CDRT4: variants seen among roughly 807,000 people sequenced by gnomAD.
CDRT4 encodes the protein CMT1A duplicated region transcript 4 protein.
For missense variants in CDRT4, 167 were observed against 193.1 expected, an observed-to-expected ratio of 0.87 and a Z score of 0.80; for synonymous variants, 64 against 69.6, an observed-to-expected ratio of 0.92 and a Z score of 0.40.
rs545802446 is a variant in CDRT4, at chr17:15,464,283, T to C, written c.-130+3177A>G. Among the ~76,000 whole-genome samples, 1 of 152,138 alleles carries C rather than the reference T, an allele frequency of 6.6e-6. No individual in the cohort carries two copies. Among genetic ancestry groups the C allele is most frequent in the Non-Finnish European group, 1.5e-5 (1 of 67,996 alleles). ...GCAAGCCTTCAGGTTTGAGAGCTGA[T>C]GCATCCATACTCCAAATAGACCTTG... On this transcript the variant is annotated intron_variant, in intron 1 of 3. Coordinates refer to ENST00000619038, the MANE Select transcript of CDRT4 (RefSeq NM_001204477.2). This position sits in a 1 kb window ranked among gnomAD's most constrained non-coding sequence, Gnocchi z 4.5.
intron 1 of CDRT4, among the ~76,000 whole-genome samples, chr17:15,458,864 G>C (rs542138734): frequency 6.6e-6 from 1 of 152,264 alleles, no homozygotes; most frequent in South Asian, 2.1e-4. Context: ...TGTTGGAAAT[G>C]CAATTCATTG....
intron 1 of CDRT4, among the ~76,000 whole-genome samples, chr17:15,454,124 G>A (rs2108757): frequency 0.21 from 31,734 of 152,066 alleles, 6,231 homozygotes; most frequent in East Asian, 0.48. Context: ...CTGAAGTCAT[G>A]GGAGGTCAGA....
intron 2 of CDRT4, among the ~76,000 whole-genome samples, chr17:15,452,096 G>C (rs1049237160): frequency 3.9e-5 from 6 of 152,194 alleles, no homozygotes; most frequent in African/African-American, 1.4e-4. Flanking sequence ...CTTGGCAGTA[G>C]CCACTACTAG....
chr17:15,458,838 GCAA>G (rs1979609046), intron 1 of CDRT4, among the ~76,000 whole-genome samples: 1 of 152,130 alleles, frequency 6.6e-6, no homozygotes, highest in Non-Finnish European at 1.5e-5. Context: ...ACCAGCAGCA[GCAA>G]CACCAGGGAG....
At chr17:15,465,403 ACAC>A (rs773828168) in intron 1 of CDRT4, among the ~76,000 whole-genome samples, 15 of 151,202 alleles carry the variant, frequency 9.9e-5, no homozygotes, top group African/African-American at 2.4e-4. Context: ...CAACACACAC[ACAC>A]AACACACACC....
At chr17:15,443,134 C>T (rs1978847070) in intron 2 of CDRT4, among the ~76,000 whole-genome samples, 2 of 152,052 alleles carry the variant, frequency 1.3e-5, no homozygotes, top group Admixed American at 1.3e-4. Context: ...CTAGGTTTGG[C>T]CTAAATCATT....
In CDRT4 at chr17:15,438,208, C is replaced by T; in HGVS notation, c.32-8G>A. 1 of 1,609,684 alleles carries T rather than the reference C, an allele frequency of 6.2e-7. No homozygotes were observed. The highest frequency in any genetic ancestry group is 8.5e-7 in the Non-Finnish European group (1 of 1,177,330). On this transcript the variant is annotated splice_region_variant and splice_polypyrimidine_tract_variant and intron_variant, in intron 3 of 3. Coordinates refer to ENST00000619038, the MANE Select transcript of CDRT4 (RefSeq NM_001204477.2). Reference sequence around the variant, plus strand: ...CAGTGTTTTCTGTGAGTCCTACCAACAAAGAGAAATGCAGGCCATTTAGAG... The same window carrying T: ...CAGTGTTTTCTGTGAGTCCTACCAATAAAGAGAAATGCAGGCCATTTAGAG...
At chr17:15,451,791 T>A (rs1567611818) in intron 2 of CDRT4, among the ~76,000 whole-genome samples, 1 of 152,214 alleles carries the variant, frequency 6.6e-6, no homozygotes, top group African/African-American at 2.4e-5. Flanking sequence ...CCAGTCACTA[T>A]CACATCTCCT....
chr17:15,467,333 C>G (rs1016362214), intron 1 of CDRT4, 127 bp downstream of exon 1: 1 of 152,158 alleles, frequency 6.6e-6, no homozygotes, highest in Admixed American at 6.5e-5. Context: ...TCTGGGGACC[C>G]TTTAATGGCA....
chr17:15,458,548 G>A (rs1597467726), intron 1 of CDRT4, among the ~76,000 whole-genome samples: 1 of 152,146 alleles, frequency 6.6e-6, no homozygotes, highest in Admixed American at 6.5e-5. Flanking sequence ...GGCAAGTCGG[G>A]TCATTGTGAA....
intron 1 of CDRT4, among the ~76,000 whole-genome samples, chr17:15,463,751 CCTT>C (rs1209897042): frequency 2.0e-5 from 3 of 152,292 alleles, no homozygotes; most frequent in African/African-American, 7.2e-5. Flanking sequence ...AGTATCTCCT[CCTT>C]AACACCGTCT....
chr17:15,438,932 C>CA (rs1978626520), intron 3 of CDRT4, among the ~76,000 whole-genome samples: 2 of 151,872 alleles, frequency 1.3e-5, no homozygotes, highest in African/African-American at 2.4e-5. Context: ...TAACAAGGCT[C>CA]AAAAAAACCA....
intron 1 of CDRT4, among the ~76,000 whole-genome samples, chr17:15,458,416 G>A (rs1979585522): frequency 1.3e-5 from 2 of 152,126 alleles, no homozygotes; most frequent in Middle Eastern, 3.2e-3. Flanking sequence ...GAGTGGAGGG[G>A]GGAACCTTCA....
chr17:15,456,363 AG>A (rs1979481676), intron 1 of CDRT4, among the ~76,000 whole-genome samples: 1 of 151,988 alleles, frequency 6.6e-6, no homozygotes, highest in East Asian at 1.9e-4. Context: ...ATTACTGGAG[AG>A]GTATAGAGAT....
rs1460429004 is a variant in CDRT4, at chr17:15,436,244, G to C, written c.*1529C>G. On this transcript the variant is annotated 3_prime_UTR_variant, in exon 4 of 4. Coordinates refer to ENST00000619038, the MANE Select transcript of CDRT4 (RefSeq NM_001204477.2). ...GTTCTCCAAAGCTGCACCTGTGTCT[G>C]CAAACGTTTACACAAGACCCTTGAA... is the stretch of plus-strand genomic sequence containing the variant. 6.6e-6 allele frequency: 1 copy of C among 152,210 alleles called. No homozygotes were observed. The allele number at this position is 152,210 out of a possible 1,614,324, so 9.4% of individuals were successfully genotyped here.
chr17:15,459,318 T>C (rs1423747926), intron 1 of CDRT4, among the ~76,000 whole-genome samples: 1 of 152,138 alleles, frequency 6.6e-6, no homozygotes, highest in East Asian at 1.9e-4. Flanking sequence ...TGAAGGTGGC[T>C]CTGAGAAGGC....
chr17:15,467,139 T>C (rs1260419735), intron 1 of CDRT4, among the ~76,000 whole-genome samples: 1 of 152,144 alleles, frequency 6.6e-6, no homozygotes, highest in East Asian at 1.9e-4. Flanking sequence ...GAGTGTACAA[T>C]AGAATCACCT....
chr17:15,463,881 G>A (rs961859409), intron 1 of CDRT4, among the ~76,000 whole-genome samples: 1 of 152,180 alleles, frequency 6.6e-6, no homozygotes, highest in East Asian at 1.9e-4. Context: ...GTCTGGCCAG[G>A]GATCAGTAGC....
chr17:15,457,972 G>C (rs1228094662), intron 1 of CDRT4, among the ~76,000 whole-genome samples: 1 of 152,224 alleles, frequency 6.6e-6, no homozygotes, highest in African/African-American at 2.4e-5. Flanking sequence ...ACAGAGAGGG[G>C]CTCAGGACGC....
Sources: gnomAD v4.1 joint callset for allele counts (sites outside exome capture counted in the v4.1 genomes callset) on GRCh38, gnomAD v4.1.1 for gene constraint, Gnocchi (gnomAD v3.1) non-coding constraint, MANE v1.5 for transcripts, NCBI Gene and HGNC (gene_info 2026-07-23, HGNC 2026-07-21) for gene names.